Variants in TUSC3 observed in about 807,000 individuals in gnomAD.
The protein encoded by TUSC3 is tumor suppressor candidate 3.
In TUSC3, 45 loss-of-function variants were observed where a neutral mutation model predicts 44.8. The observed-to-expected ratio is 1.00, with a 90% CI of 0.79 to 1.29. The LOEUF is 1.29. Ranked by LOEUF, TUSC3 falls within the 50% of genes most tolerant of loss-of-function variation. The probability of loss-of-function intolerance (pLI) is 0.00; values close to 1 mark genes in which losing one functional copy is unlikely to be tolerated. For missense variants in TUSC3, 519 were observed against 437.9 expected (o/e 1.19, Z -1.65); for synonymous variants, 212 against 152.9 (o/e 1.39, Z -2.85).
the TUSC3 span, among the ~76,000 whole-genome samples, chr8:15,837,576 TC>T: frequency 6.6e-6 from 1 of 152,246 alleles, no homozygotes; most frequent in African/African-American, 2.4e-5. Context: ...TTCTAATTTG[TC>T]CCGAAGTTCT....
At chr8:15,754,900 C>G (rs548108321) in intron 9 of TUSC3, among the ~76,000 whole-genome samples, 2 of 151,956 alleles carry the variant, frequency 1.3e-5, no homozygotes, top group African/African-American at 2.4e-5. Context: ...TTATTTTAAT[C>G]TTAAGCCTTA....
At chr8:15,843,002 C>T in the TUSC3 span, among the ~76,000 whole-genome samples, 1 of 152,168 alleles carries the variant, frequency 6.6e-6, no homozygotes, top group African/African-American at 2.4e-5. Context: ...TAATTTGTAG[C>T]AACCACAGCC....
chr8:15,706,683 A>G (rs1192398998), intron 6 of TUSC3, among the ~76,000 whole-genome samples: 4 of 152,088 alleles, frequency 2.6e-5, no homozygotes, highest in East Asian at 3.9e-4. Flanking sequence ...TAAATATTTC[A>G]TAACTTGAAA....
In TUSC3 at chr8:15,500,550, A is replaced by G. The variant is rs1277269080; in HGVS notation, n.189+17067A>G. 2.0e-5 allele frequency among the ~76,000 whole-genome samples: 3 copies of G among 152,224 alleles called. No homozygotes were observed. In the East Asian group the frequency reaches 5.8e-4, roughly 29 times the overall value. ...TTCAGTTGATCTAAGACAGTTTACAAAGAATGATTGTCTCTTATTTGCTTA... is the reference window on the plus strand; with the variant it reads ...TTCAGTTGATCTAAGACAGTTTACAGAGAATGATTGTCTCTTATTTGCTTA... On this transcript the variant is annotated intron_variant and non_coding_transcript_variant, in intron 2 of 5. Transcript: ENST00000503191.
chr8:15,635,688 C>A (rs1007947095), intron 2 of TUSC3, among the ~76,000 whole-genome samples: 1 of 152,184 alleles, frequency 6.6e-6, no homozygotes, highest in Admixed American at 6.5e-5. Context: ...TTGCTAAGAA[C>A]AGATGCGTAT....
At chr8:15,629,486 A>G (rs551498989) in intron 2 of TUSC3, among the ~76,000 whole-genome samples, 1 of 152,062 alleles carries the variant, frequency 6.6e-6, no homozygotes, top group Non-Finnish European at 1.5e-5. Context: ...TTTCTGAGTA[A>G]TAAATGAAGC....
chr8:15,602,894 T>G (rs1195602837), intron 1 of TUSC3, among the ~76,000 whole-genome samples: 2 of 151,522 alleles, frequency 1.3e-5, no homozygotes, highest in Non-Finnish European at 3.0e-5. Context: ...CCTTGTAACA[T>G]AAATAAAAAA....
At chr8:15,520,362 A>G (rs1801281688) in intron 2 of TUSC3, among the ~76,000 whole-genome samples, 1 of 152,206 alleles carries the variant, frequency 6.6e-6, no homozygotes, top group Non-Finnish European at 1.5e-5. Context: ...TGTAACCTTG[A>G]GTAAGATATC....
chr8:15,488,658 A>G (rs1192975105), intron 2 of TUSC3, among the ~76,000 whole-genome samples: 4 of 152,164 alleles, frequency 2.6e-5, no homozygotes, highest in Admixed American at 2.6e-4. Context: ...TAGAGTCCCT[A>G]TGATGAGATT....
At chr8:15,661,693 C>CTA (rs1807434251) in intron 4 of TUSC3, among the ~76,000 whole-genome samples, 1 of 151,838 alleles carries the variant, frequency 6.6e-6, no homozygotes. Context: ...AAAAGCTATA[C>CTA]TATACTACAG....
upstream of TUSC3, chr8:15,540,241 C>T (rs573872013): frequency 2.6e-3 from 2,082 of 809,352 alleles, 2 homozygotes; most frequent in Non-Finnish European, 3.4e-3. Context: ...AGGTCTTCTC[C>T]CGGTGAACCG....
intron 6 of TUSC3, among the ~76,000 whole-genome samples, chr8:15,693,961 T>C (rs1302315832): frequency 1.3e-5 from 2 of 152,100 alleles, no homozygotes; most frequent in Non-Finnish European, 2.9e-5. Context: ...TCTGAAATTC[T>C]CTGAGTTTTT....
chr8:15,769,464 A>C (rs1206307568), downstream of TUSC3, among the ~76,000 whole-genome samples: 1 of 152,266 alleles, frequency 6.6e-6, no homozygotes, highest in South Asian at 2.1e-4. Flanking sequence ...AAGACCTAAA[A>C]CCTTAAAAAC....
At chr8:15,688,273 A>G (rs1475000901) in intron 6 of TUSC3, among the ~76,000 whole-genome samples, 3 of 152,320 alleles carry the variant, frequency 2.0e-5, no homozygotes, top group African/African-American at 2.4e-5. Flanking sequence ...CAATTTCAGA[A>G]TAAGATGTAC....
the TUSC3 span, among the ~76,000 whole-genome samples, chr8:15,795,211 T>A: frequency 1.3e-5 from 2 of 152,152 alleles, no homozygotes; most frequent in Non-Finnish European, 2.9e-5. Context: ...ATCGACCTTT[T>A]CACTTCACCC....
At chr8:15,827,291 C>A in the TUSC3 span, among the ~76,000 whole-genome samples, 1 of 152,116 alleles carries the variant, frequency 6.6e-6, no homozygotes. Flanking sequence ...AAACCAGTTA[C>A]GGAGCAGTAA....
At chr8:15,783,145 C>T in the TUSC3 span, among the ~76,000 whole-genome samples, 9 of 151,958 alleles carry the variant, frequency 5.9e-5, no homozygotes, top group Non-Finnish European at 8.8e-5. Flanking sequence ...GTAAATTTAA[C>T]CAATGTGGTG....
intron 5 of TUSC3, among the ~76,000 whole-genome samples, chr8:15,665,618 A>G (rs550824869): frequency 5.9e-5 from 9 of 151,416 alleles, no homozygotes; most frequent in African/African-American, 1.2e-4. Flanking sequence ...GGAAATTAGT[A>G]TATGTAAATA....
At chr8:15,562,273 A>G (rs1802504745) in intron 1 of TUSC3, among the ~76,000 whole-genome samples, 2 of 152,116 alleles carry the variant, frequency 1.3e-5, no homozygotes, top group African/African-American at 2.4e-5. Context: ...TGGATGGTAT[A>G]TAAGATATCC....
Sources: gnomAD v4.1 joint callset for allele counts (sites outside exome capture counted in the v4.1 genomes callset) on GRCh38, gnomAD v4.1.1 for gene constraint, MANE v1.5 for transcripts, NCBI Gene and HGNC (gene_info 2026-07-23, HGNC 2026-07-21) for gene names.